SEC61A2: variants seen among roughly 807,000 people sequenced by gnomAD.
SEC61A2 encodes protein transport protein Sec61 subunit alpha isoform 2.
SEC61A2 carries 28 observed loss-of-function variants against 59.9 expected under a neutral mutation model. The observed-to-expected ratio is 0.47, with a 90% confidence interval of 0.35 to 0.64. The LOEUF (loss-of-function observed/expected upper bound fraction) is 0.64. Among genes scored for constraint, SEC61A2 ranks in the 30% least tolerant of loss-of-function variants. The pLI is 0.01. For synonymous variants in SEC61A2, 202 were observed against 214.4 expected (o/e 0.94, Z 0.50); for missense variants, 340 against 585.9 (o/e 0.58, Z 4.33).
rs1834388696 is a variant in SEC61A2, at chr10:12,155,971, G to A, written c.616+40G>A. On this transcript the variant is annotated intron_variant, in intron 7 of 11. Coordinates refer to ENST00000298428, the MANE Select transcript of SEC61A2 (RefSeq NM_018144.4). The surrounding 1 kb of genome is among the most constrained non-coding windows in gnomAD (Gnocchi z 4.3). ...GACTGCAACTGCACGCGTTTTGCTG[G>A]ATGTGTGCTGGGAACAAACCCATCG... 2.5e-6 allele frequency: 4 copies of A among 1,610,974 alleles called. No individual in the cohort carries two copies. The highest frequency in any genetic ancestry group is 3.4e-6 in the Non-Finnish European group (4 of 1,177,280).
Position 12,142,312 on chromosome 10 carries a change from A to G in SEC61A2, c.142-805A>G, listed in dbSNP as rs1377977364. ...CTCCACCTTGGCCCCTAGTTGTGGC[A>G]ACCAAAAATGTCTCTAGATATTGCC... On this transcript the variant is annotated intron_variant, in intron 3 of 11. Transcript: ENST00000298428. This position sits in a 1 kb window ranked among gnomAD's most constrained non-coding sequence, Gnocchi z 5.4. 6.3e-6 allele frequency: 1 copy of G among 159,422 alleles called. No individual in the cohort carries two copies. The highest frequency in any genetic ancestry group is 1.9e-4 in the East Asian group (1 of 5,232). The allele number at this position is 159,422 out of a possible 1,614,324, so 9.9% of individuals were successfully genotyped here. A position where few individuals can be genotyped will look rare whatever the true frequency, so the allele number is the denominator to read the frequency against.
chr10:12,135,249 G>A (rs573413074), intron 2 of SEC61A2, among the ~76,000 whole-genome samples: 2 of 152,086 alleles, frequency 1.3e-5, no homozygotes, highest in South Asian at 4.2e-4. Flanking sequence ...AAACCACCAT[G>A]GCATATGTCT....
chr10:12,157,967 C>T lies in SEC61A2; in HGVS notation c.837C>T (p.Tyr279=), dbSNP rs919110410. 2.5e-6 allele frequency: 4 copies of T among 1,614,040 alleles called. No individual in the cohort carries two copies. Among genetic ancestry groups the T allele is most frequent in the Non-Finnish European group, 3.4e-6 (4 of 1,180,030 alleles). ...GTTACCGAGGACAGTACAGCAGCTA[C>T]CCCATCAAACTCTTCTACACCTCCA... ...SARYRGQYSS[Y]PIKLFYTSNI... Residue 279 remains tyrosine, a synonymous_variant, in exon 9 of 12, where the codon TAC becomes TAT. Transcript: ENST00000298428.
Position 12,129,777 on chromosome 10 carries a change from C to T in SEC61A2, c.-11C>T. ...GCCGCGGTTTCCCCCTGGGCCTCCC[C>T]AGCAGCAGCCATGGGCAGTGAGTAG... is the stretch of plus-strand genomic sequence containing the variant. On this transcript the variant is annotated 5_prime_UTR_variant, in exon 1 of 12. Transcript: ENST00000298428. This position sits in a 1 kb window ranked among gnomAD's most constrained non-coding sequence, Gnocchi z 5.6. 15 of 1,485,358 alleles carry T rather than the reference C, an allele frequency of 1.0e-5. No individual in the cohort carries two copies. Among genetic ancestry groups the T allele is most frequent in the Non-Finnish European group, 1.3e-5 (15 of 1,122,052 alleles). 92.0% of individuals were successfully genotyped at this position (1,485,358 alleles called of 1,614,324 possible). A position where few individuals can be genotyped will look rare whatever the true frequency, so the allele number is the denominator to read the frequency against.
chr10:12,162,150 C>T lies in SEC61A2; in HGVS notation c.1168-63C>T, dbSNP rs1445889114. On this transcript the variant is annotated intron_variant, in intron 10 of 11. Coordinates refer to ENST00000298428, the MANE Select transcript of SEC61A2 (RefSeq NM_018144.4). This position sits in a 1 kb window ranked among gnomAD's most constrained non-coding sequence, Gnocchi z 6.1. ...TGTGTGGCGAGCACTTCGCATAGAA[C>T]GTGGTAGATGTAAGCAGTGAAATGT... The T allele has an allele frequency of 9.4e-6, 12 of 1,281,688 alleles. No individual in the cohort carries two copies. Among genetic ancestry groups the T allele is most frequent in the African/African-American group, 4.4e-5 (3 of 68,130 alleles). 79.4% of individuals were successfully genotyped at this position (1,281,688 alleles called of 1,614,324 possible).
intron 2 of SEC61A2, among the ~76,000 whole-genome samples, chr10:12,134,418 C>T (rs1833837073): frequency 6.6e-6 from 1 of 152,194 alleles, no homozygotes; most frequent in Non-Finnish European, 1.5e-5. Flanking sequence ...GCACTGTCAC[C>T]AGCAGGCCCA....
chr10:12,150,424 G>GTT (rs1464398915), intron 6 of SEC61A2, among the ~76,000 whole-genome samples: 10 of 152,206 alleles, frequency 6.6e-5, no homozygotes, highest in African/African-American at 2.4e-4. Context: ...CAGAATGGGT[G>GTT]TTTGAGTTCA....
intron 2 of SEC61A2, among the ~76,000 whole-genome samples, chr10:12,134,304 G>A (rs532890147): frequency 2.6e-5 from 4 of 152,312 alleles, no homozygotes; most frequent in African/African-American, 9.6e-5. Flanking sequence ...ACCGCGCCCG[G>A]CTAGAAGTAT....
At position 12,143,890 on chromosome 10, in the gene SEC61A2, T is replaced by C. The variant is rs558876452; in HGVS notation, c.220+695T>C. On this transcript the variant is annotated intron_variant, in intron 4 of 11. Coordinates refer to ENST00000298428, the MANE Select transcript of SEC61A2 (RefSeq NM_018144.4). This position sits in a 1 kb window ranked among gnomAD's most constrained non-coding sequence, Gnocchi z 4.8. ...CAACCAGTCGTGAGGTTTCTTACATTTAGGAACAGTGGTTGCCTCTTTTTT... is the reference window on the plus strand; with the variant it reads ...CAACCAGTCGTGAGGTTTCTTACATCTAGGAACAGTGGTTGCCTCTTTTTT... Among the ~76,000 whole-genome samples, 6 of 152,312 alleles carry C rather than the reference T, an allele frequency of 3.9e-5. No individual in the cohort carries two copies. In the South Asian group the frequency reaches 1.2e-3, roughly 32 times the overall value.
At chr10:12,139,887 T>A (rs1034572310) in intron 3 of SEC61A2, among the ~76,000 whole-genome samples, 1 of 148,906 alleles carries the variant, frequency 6.7e-6, no homozygotes, top group African/African-American at 2.5e-5. Flanking sequence ...GAGAATGGCG[T>A]GAACCCGGGA....
intron 3 of SEC61A2, among the ~76,000 whole-genome samples, chr10:12,141,918 A>G (rs1834031980): frequency 6.6e-6 from 1 of 152,300 alleles, no homozygotes; most frequent in South Asian, 2.1e-4. Flanking sequence ...AATGAGGGAG[A>G]CAAATCCAGT....
chr10:12,169,845 C>T, downstream of SEC61A2: 1 of 346,782 alleles, frequency 2.9e-6, no homozygotes, highest in Non-Finnish European at 5.2e-6. The surrounding 1 kb of genome is among the most constrained non-coding windows in gnomAD (Gnocchi z 4.8). Context: ...GGTCTTAAAG[C>T]TTCAGGCCAA....
chr10:12,159,008 C>T (rs375740510), intron 9 of SEC61A2, among the ~76,000 whole-genome samples: 3 of 148,300 alleles, frequency 2.0e-5, no homozygotes, highest in South Asian at 2.2e-4. Context: ...GACGGAGTCT[C>T]GCTGTGTCGC....
chr10:12,167,670 G>A (rs764265999), downstream of SEC61A2: 28 of 1,604,562 alleles, frequency 1.7e-5, no homozygotes, highest in South Asian at 8.8e-5. Flanking sequence ...TGGTGGTCTC[G>A]TTTACAAAAA....
Position 12,143,662 on chromosome 10 carries a change from G to A in SEC61A2, c.220+467G>A, listed in dbSNP as rs1834074966. Among the ~76,000 whole-genome samples the A allele has an allele frequency of 6.6e-6, 1 of 152,150 alleles. No homozygotes were observed. The highest frequency in any genetic ancestry group is 2.4e-5 in the African/African-American group (1 of 41,442). ...GTAAGAGAATCGCTTGAACCTGGGAGATGGAGGTTGCAGTGAACTAAGATC... is the reference window on the plus strand; with the variant it reads ...GTAAGAGAATCGCTTGAACCTGGGAAATGGAGGTTGCAGTGAACTAAGATC... On this transcript the variant is annotated intron_variant, in intron 4 of 11. Coordinates refer to ENST00000298428, the MANE Select transcript of SEC61A2 (RefSeq NM_018144.4). The surrounding 1 kb of genome is among the most constrained non-coding windows in gnomAD (Gnocchi z 4.8).
chr10:12,161,132 G>C lies in SEC61A2; in HGVS notation c.1167+11G>C. On this transcript the variant is annotated intron_variant, in intron 10 of 11. Transcript: ENST00000298428. The surrounding 1 kb of genome is among the most constrained non-coding windows in gnomAD (Gnocchi z 5.4). ...TCCTCAGCCAAAGATGTAAGTGTTTGGTTTATTTTAAAATAAAACTCTTGG... is the reference window on the plus strand; with the variant it reads ...TCCTCAGCCAAAGATGTAAGTGTTTCGTTTATTTTAAAATAAAACTCTTGG... The C allele has an allele frequency of 2.5e-6, 4 of 1,588,552 alleles. No homozygotes were observed. Among genetic ancestry groups the C allele is most frequent in the Non-Finnish European group, 3.4e-6 (4 of 1,166,676 alleles).
At chr10:12,169,622 T>G, downstream of SEC61A2, 2 of 274,290 alleles carry the variant, frequency 7.3e-6, no homozygotes, top group Non-Finnish European at 1.4e-5. The surrounding 1 kb of genome is among the most constrained non-coding windows in gnomAD (Gnocchi z 4.8). Context: ...GCTGTCGAGG[T>G]GGCTTCTACC....
chr10:12,159,061 T>C (rs1588645136), intron 9 of SEC61A2, among the ~76,000 whole-genome samples: 1 of 151,348 alleles, frequency 6.6e-6, no homozygotes, highest in African/African-American at 2.4e-5. Flanking sequence ...CACTGCAAGC[T>C]CCGCCTCCCG....
Position 12,160,717 on chromosome 10 carries a change from TCA to T in SEC61A2, c.976-210_976-209del, listed in dbSNP as rs1834506940. On this transcript the variant is annotated intron_variant, in intron 9 of 11. Coordinates refer to ENST00000298428, the MANE Select transcript of SEC61A2 (RefSeq NM_018144.4). This position sits in a 1 kb window ranked among gnomAD's most constrained non-coding sequence, Gnocchi z 4.1. ...AATTTTTAAAAATGACTCAATATTT[TCA>T]CAGTGTCTTGCATGTAATAGGTGTT... Among the ~76,000 whole-genome samples the T allele has an allele frequency of 6.6e-6, 1 of 152,164 alleles. No individual in the cohort carries two copies. Among genetic ancestry groups the T allele is most frequent in the African/African-American group, 2.4e-5 (1 of 41,440 alleles).
Sources: allele counts gnomAD v4.1 joint callset (sites outside exome capture counted in the v4.1 genomes callset), GRCh38; gene constraint gnomAD v4.1.1; non-coding constraint Gnocchi (gnomAD v3.1); transcripts MANE v1.5; gene names NCBI Gene and HGNC (gene_info 2026-07-23, HGNC 2026-07-21).